DAG1: variants seen among roughly 807,000 people sequenced by gnomAD.
DAG1 encodes dystroglycan 1 (dystrophin-associated glycoprotein 1).
In DAG1, 8 loss-of-function variants were observed where a neutral mutation model predicts 46.1. The ratio of observed to expected loss-of-function variants is 0.17; its 90% CI spans 0.10 to 0.31. DAG1 has a LOEUF of 0.31. DAG1 is among the 10% of genes least tolerant of loss of function. The pLI is 1.00. For synonymous variants in DAG1, 495 were observed against 481.8 expected (o/e 1.03, Z -0.36); for missense variants, 1,003 against 1,189.9 (o/e 0.84, Z 2.31).
intron 1 of DAG1, among the ~76,000 whole-genome samples, chr3:49,476,265 A>G (rs1409542077): frequency 6.6e-6 from 1 of 152,180 alleles, no homozygotes; most frequent in Non-Finnish European, 1.5e-5. Context: ...AATGTCTTTT[A>G]TCTTGCTTGT....
At position 49,531,599 on chromosome 3, in the gene DAG1, C is replaced by G; in HGVS notation, c.1088C>G (p.Pro363Arg). Reference sequence around the variant, plus strand: ...GCTCCTCCAGTCAGGGATCCTGTTCCTGGGAAACCCACGGTCACCATCCGG... The same window carrying G: ...GCTCCTCCAGTCAGGGATCCTGTTCGTGGGAAACCCACGGTCACCATCCGG... ...TMAPPVRDPV[P>R]GKPTVTIRTR... The change falls in exon 3 of 3, where the codon CCT becomes CGT. Residue 363 changes from proline to arginine, a missense_variant. Pro to Arg is a moderately radical substitution (Grantham distance 103). This residue lies in a region of DAG1 where 755 missense variants were observed against 854.1 expected (regional missense o/e 0.88). Transcript: ENST00000308775. The surrounding 1 kb of genome is among the most constrained non-coding windows in gnomAD (Gnocchi z 7.0). 3 of 1,613,168 alleles carry G rather than the reference C, an allele frequency of 1.9e-6. No individual in the cohort carries two copies. The highest frequency in any genetic ancestry group is 2.5e-6 in the Non-Finnish European group (3 of 1,179,224).
chr3:49,484,460 T>C (rs1213611892), intron 1 of DAG1, among the ~76,000 whole-genome samples: 1 of 152,118 alleles, frequency 6.6e-6, no homozygotes, highest in Non-Finnish European at 1.5e-5. Flanking sequence ...CCTGATTACC[T>C]GATTTAATCA....
At chr3:49,487,722 T>C (rs2050075069) in intron 1 of DAG1, among the ~76,000 whole-genome samples, 1 of 122,502 alleles carries the variant, frequency 8.2e-6, no homozygotes, top group South Asian at 2.6e-4. Flanking sequence ...TTGTTTGAGA[T>C]GGGATCGTGC....
chr3:49,520,244 C>T (rs1197690647), intron 2 of DAG1, among the ~76,000 whole-genome samples: 1 of 152,244 alleles, frequency 6.6e-6, no homozygotes, highest in African/African-American at 2.4e-5. Context: ...CAGAAGGCCA[C>T]AGAGCAGATT....
At chr3:49,496,890 G>A (rs2050327628) in intron 1 of DAG1, among the ~76,000 whole-genome samples, 1 of 151,956 alleles carries the variant, frequency 6.6e-6, no homozygotes, top group South Asian at 2.1e-4. Context: ...CTCCCAAAGT[G>A]TTGGGATTAT....
At chr3:49,520,147 C>T (rs1040262233) in intron 2 of DAG1, among the ~76,000 whole-genome samples, 1 of 152,198 alleles carries the variant, frequency 6.6e-6, no homozygotes, top group Non-Finnish European at 1.5e-5. Flanking sequence ...AAGGCCTGGC[C>T]CTCTGACCTT....
chr3:49,517,830 G>A (rs1201103910), intron 2 of DAG1, among the ~76,000 whole-genome samples: 1 of 152,214 alleles, frequency 6.6e-6, no homozygotes, highest in Non-Finnish European at 1.5e-5. Context: ...CTTGCTATGT[G>A]ATAAAGCATT....
chr3:49,507,337 C>T (rs900674665), intron 1 of DAG1, among the ~76,000 whole-genome samples: 3 of 151,592 alleles, frequency 2.0e-5, no homozygotes, highest in South Asian at 4.2e-4. Context: ...CTGAGGTGGG[C>T]GGATCACCTG....
intron 2 of DAG1, among the ~76,000 whole-genome samples, chr3:49,525,658 C>T (rs906190503): frequency 6.6e-6 from 1 of 150,638 alleles, no homozygotes; most frequent in African/African-American, 2.4e-5. Context: ...CCCGGGTTCA[C>T]TGCCATTCTC....
rs189655847 is a variant in DAG1 at position 49,532,218 on chromosome 3, C to T, written c.1707C>T (p.His569=). The T allele has an allele frequency of 4.3e-6, 7 of 1,614,072 alleles. No individual in the cohort carries two copies. The highest frequency in any genetic ancestry group is 4.5e-5 in the East Asian group (2 of 44,882). ...QLMYGLPDSS[H]VGKHEYFMHA... ...TGTATGGCCTTCCCGACAGCAGCCA[C>T]GTGGGCAAACACGAGTATTTCATGC... Residue 569 remains histidine, a synonymous_variant, in exon 3 of 3, where the codon CAC becomes CAT. Transcript: ENST00000308775. This position sits in a 1 kb window ranked among gnomAD's most constrained non-coding sequence, Gnocchi z 5.4.
intron 1 of DAG1, among the ~76,000 whole-genome samples, chr3:49,477,748 G>A (rs1217279250): frequency 6.6e-6 from 1 of 152,062 alleles, no homozygotes; most frequent in Non-Finnish European, 1.5e-5. Flanking sequence ...GATCAACTGA[G>A]GTCAGGAGTC....
chr3:49,491,476 A>AT (rs368496006), intron 1 of DAG1, among the ~76,000 whole-genome samples: 15 of 146,316 alleles, frequency 1.0e-4, no homozygotes, highest in East Asian at 4.0e-4. Flanking sequence ...ATGTCCTGCT[A>AT]TTTTTTTTTT....
chr3:49,478,188 A>C (rs2049741540), intron 1 of DAG1, among the ~76,000 whole-genome samples: 1 of 148,438 alleles, frequency 6.7e-6, no homozygotes, highest in South Asian at 2.1e-4. Context: ...AATTGTTTGA[A>C]TCTTGAATCT....
intron 2 of DAG1, among the ~76,000 whole-genome samples, chr3:49,518,364 T>C (rs925603926): frequency 6.6e-6 from 1 of 152,150 alleles, no homozygotes; most frequent in African/African-American, 2.4e-5. Context: ...AATTAAGTTC[T>C]CATTCTAAGT....
intron 1 of DAG1, among the ~76,000 whole-genome samples, chr3:49,471,250 C>G (rs2049510295): frequency 6.6e-6 from 1 of 152,106 alleles, no homozygotes; most frequent in South Asian, 2.1e-4. Context: ...CTGCTGCTTC[C>G]CTAAATAAGC....
intron 1 of DAG1, among the ~76,000 whole-genome samples, chr3:49,497,196 G>A (rs1384779690): frequency 1.3e-5 from 2 of 151,768 alleles, no homozygotes; most frequent in Non-Finnish European, 2.9e-5. Flanking sequence ...CAGCACTTTG[G>A]GAGGCCGAGG....
chr3:49,482,189 A>G (rs1559548994), intron 1 of DAG1, among the ~76,000 whole-genome samples: 1 of 152,188 alleles, frequency 6.6e-6, no homozygotes, highest in African/African-American at 2.4e-5. Flanking sequence ...AACTGGGGAC[A>G]CAGTGCATTG....
intron 1 of DAG1, among the ~76,000 whole-genome samples, chr3:49,490,931 G>A (rs1034731103): frequency 8.0e-5 from 11 of 138,028 alleles, no homozygotes; most frequent in Non-Finnish European, 1.7e-4. Flanking sequence ...TGTTGTCTTG[G>A]TTGGAGTGCA....
At chr3:49,492,430 T>C (rs985229564) in intron 1 of DAG1, among the ~76,000 whole-genome samples, 1 of 152,172 alleles carries the variant, frequency 6.6e-6, no homozygotes, top group Non-Finnish European at 1.5e-5. Context: ...GAGAATTGCT[T>C]GAGCCTAGGA....
Sources: allele counts gnomAD v4.1 joint callset (sites outside exome capture counted in the v4.1 genomes callset), GRCh38; gene constraint gnomAD v4.1.1; regional missense constraint gnomAD v4.1.1; non-coding constraint Gnocchi (gnomAD v3.1); transcripts MANE v1.5; gene names NCBI Gene and HGNC (gene_info 2026-07-23, HGNC 2026-07-21).